Variants in TANC2 observed in about 807,000 individuals in gnomAD.
The protein encoded by TANC2 is tetratricopeptide repeat, ankyrin repeat and coiled-coil containing 2.
Under a neutral mutation model 210.5 loss-of-function variants are expected in TANC2, and 26 were observed. That is an observed-to-expected ratio of 0.12 (90% CI 0.09 to 0.17). The LOEUF (loss-of-function observed/expected upper bound fraction) is 0.17. Ranked by LOEUF, TANC2 falls within the 10% of genes least tolerant of loss-of-function variation. The pLI is 1.00. For synonymous variants in TANC2, 931 were observed against 967.1 expected (o/e 0.96, Z 0.69); for missense variants, 2,129 against 2,608.9 (o/e 0.82, Z 4.01).
Position 63,384,916 on chromosome 17 carries a change from CAG to C in TANC2, c.2692-3715_2692-3714del, listed in dbSNP as rs144349024. 8.2e-3 allele frequency among the ~76,000 whole-genome samples: 1,249 copies of C among 152,258 alleles called. 13 individuals carry two copies. Among genetic ancestry groups the C allele is most frequent in the African/African-American group, 0.027 (1,132 of 41,544 alleles). ...TAGTTGCTACTTTTTCAGCTAAGAT[CAG>C]AGAAGTGAGGTCCTGAATCAGGTGC... On this transcript the variant is annotated intron_variant, in intron 15 of 27. Transcript: ENST00000689528.
At chr17:63,249,195 G>A (rs531135597) in intron 8 of TANC2, among the ~76,000 whole-genome samples, 4 of 152,056 alleles carry the variant, frequency 2.6e-5, no homozygotes, top group African/African-American at 4.8e-5. Context: ...ATTAAGGCTC[G>A]GAATTTTCTG....
chr17:63,046,399 C>G (rs2035385807), intron 2 of TANC2, among the ~76,000 whole-genome samples: 1 of 141,162 alleles, frequency 7.1e-6, no homozygotes, highest in Admixed American at 7.8e-5. Context: ...GTGGCGCCAT[C>G]TCGGTCACTG....
chr17:63,256,008 C>T (rs569161017), intron 8 of TANC2, among the ~76,000 whole-genome samples: 9 of 148,506 alleles, frequency 6.1e-5, no homozygotes, highest in South Asian at 4.2e-4. Flanking sequence ...CAGGTTCAAG[C>T]GATTCTCCTG....
intron 19 of TANC2, among the ~76,000 whole-genome samples, chr17:63,399,851 T>C (rs576500783): frequency 6.6e-6 from 1 of 152,364 alleles, no homozygotes; most frequent in Admixed American, 6.5e-5. Context: ...TCCTGACTTC[T>C]TTAACATCAT....
chr17:63,050,926 A>G (rs2035560289), intron 2 of TANC2, among the ~76,000 whole-genome samples: 1 of 152,232 alleles, frequency 6.6e-6, no homozygotes, highest in African/African-American at 2.4e-5. Flanking sequence ...ATATTTCACA[A>G]GCCTACCCTT....
intron 5 of TANC2, chr17:63,182,032 C>T (rs2145657600): frequency 6.6e-6 from 1 of 152,418 alleles, no homozygotes; most frequent in African/African-American, 2.4e-5. Context: ...CAATTTAAAA[C>T]AAAGGTTTTC....
At chr17:63,050,367 AAAAAAAAAG>A (rs951755130) in intron 2 of TANC2, among the ~76,000 whole-genome samples, 3 of 151,970 alleles carry the variant, frequency 2.0e-5, no homozygotes, top group Non-Finnish European at 4.4e-5. Context: ...AAGAAAAAAA[AAAAAAAAAG>A]AAAGAAAGTG....
At chr17:63,321,824 G>A (rs2045503366) in intron 11 of TANC2, among the ~76,000 whole-genome samples, 2 of 152,116 alleles carry the variant, frequency 1.3e-5, no homozygotes. Context: ...TGTTGGGGAA[G>A]GTAGTCACCT....
At chr17:63,381,186 C>A (rs1333629756) in intron 15 of TANC2, 2 of 152,194 alleles carry the variant, frequency 1.3e-5, no homozygotes, top group African/African-American at 4.8e-5. Context: ...GACCAAGCTT[C>A]ATTTGACGAA....
Position 63,242,626 on chromosome 17 carries a change from G to A in TANC2, c.1033+4549G>A, listed in dbSNP as rs189502847. Among the ~76,000 whole-genome samples, 14 of 152,030 alleles carry A rather than the reference G, an allele frequency of 9.2e-5. 1 individual carries two copies. The South Asian group carries it at 1.7e-3, about 18-fold the overall frequency. On this transcript the variant is annotated intron_variant, in intron 8 of 27. Transcript: ENST00000689528. Reference sequence around the variant, plus strand: ...TATAATATATGTAAGAGAGATATGAGGTCAAAAATGAGTGGGATTCATTCA... The same window carrying A: ...TATAATATATGTAAGAGAGATATGAAGTCAAAAATGAGTGGGATTCATTCA...
intron 5 of TANC2, among the ~76,000 whole-genome samples, chr17:63,193,705 CAACCT>C (rs982973029): frequency 6.6e-6 from 1 of 152,118 alleles, no homozygotes; most frequent in African/African-American, 2.4e-5. Flanking sequence ...GACGGTAAGT[CAACCT>C]AACATAAACA....
intron 2 of TANC2, among the ~76,000 whole-genome samples, chr17:63,060,010 A>G (rs964900657): frequency 5.9e-5 from 9 of 152,292 alleles, no homozygotes; most frequent in Non-Finnish European, 1.0e-4. Flanking sequence ...ATAAGATTGT[A>G]TTGATGTTTC....
At chr17:63,035,066 A>G (rs560385814) in intron 2 of TANC2, among the ~76,000 whole-genome samples, 33 of 152,286 alleles carry the variant, frequency 2.2e-4, no homozygotes, top group African/African-American at 7.7e-4. Flanking sequence ...CATGAAAGGA[A>G]AAGTTATTTG....
At chr17:63,341,345 ACATT>A (rs1299611851) in intron 12 of TANC2, among the ~76,000 whole-genome samples, 1 of 152,168 alleles carries the variant, frequency 6.6e-6, no homozygotes, top group African/African-American at 2.4e-5. Flanking sequence ...TATTTCCTGG[ACATT>A]CAGTCAATCT....
chr17:63,087,449 T>C (rs1469008527), intron 3 of TANC2, among the ~76,000 whole-genome samples: 4 of 152,140 alleles, frequency 2.6e-5, no homozygotes, highest in Non-Finnish European at 4.4e-5. Flanking sequence ...TTGTTTTTTT[T>C]CTCCCTTCTC....
intron 1 of TANC2, among the ~76,000 whole-genome samples, chr17:62,981,940 A>C (rs2032323204): frequency 6.6e-6 from 1 of 151,890 alleles, no homozygotes; most frequent in African/African-American, 2.4e-5. Flanking sequence ...CTGTGGAGTC[A>C]GGATACATCA....
intron 4 of TANC2, 21 bp from the exon 5 acceptor site, chr17:63,151,249 T>G (rs2039644543): frequency 2.1e-6 from 2 of 964,342 alleles, no homozygotes; most frequent in Non-Finnish European, 2.5e-6. Flanking sequence ...TTGCTTGCTC[T>G]CTCTCTCTTT....
intron 8 of TANC2, among the ~76,000 whole-genome samples, chr17:63,249,501 T>C (rs1240842379): frequency 6.6e-6 from 1 of 152,108 alleles, no homozygotes; most frequent in East Asian, 1.9e-4. Flanking sequence ...ACAGCTGTCG[T>C]CAGTGCTTTG....
intron 19 of TANC2, among the ~76,000 whole-genome samples, chr17:63,404,303 A>G (rs550680663): frequency 2.0e-5 from 3 of 152,292 alleles, no homozygotes; most frequent in East Asian, 1.9e-4. Context: ...TCCTCTTTCT[A>G]CTGTTGAAAC....
Sources: allele counts gnomAD v4.1 joint callset (sites outside exome capture counted in the v4.1 genomes callset), GRCh38; gene constraint gnomAD v4.1.1; transcripts MANE v1.5; gene names NCBI Gene and HGNC (gene_info 2026-07-23, HGNC 2026-07-21).